Variants in CDK6 observed in about 807,000 individuals in gnomAD.
CDK6 encodes the protein cyclin dependent kinase 6, also known as cyclin-dependent kinase 6.
Under a neutral mutation model 37.1 loss-of-function variants are expected in CDK6, and 6 were observed. The observed-to-expected ratio is 0.16, with a 90% CI of 0.09 to 0.32. The LOEUF (loss-of-function observed/expected upper bound fraction) is 0.32. CDK6 is among the 10% of genes least tolerant of loss of function. The pLI is 1.00. For synonymous variants in CDK6, 160 were observed against 161.3 expected (o/e 0.99, Z 0.06); for missense variants, 224 against 418.9 (o/e 0.53, Z 4.06).
intron 4 of CDK6, among the ~76,000 whole-genome samples, chr7:92,708,495 A>G (rs1419952050): frequency 2.6e-5 from 4 of 152,182 alleles, no homozygotes; most frequent in African/African-American, 9.7e-5. Context: ...GAGGTATACA[A>G]TTTGCCAACT....
intron 2 of CDK6, among the ~76,000 whole-genome samples, chr7:92,820,057 C>T (rs1426818072): frequency 1.3e-5 from 2 of 151,848 alleles, no homozygotes; most frequent in Non-Finnish European, 2.9e-5. Context: ...TAAATGGTGG[C>T]GGGAAACCCA....
chr7:92,663,004 G>A (rs562651391), intron 5 of CDK6, among the ~76,000 whole-genome samples: 1 of 152,280 alleles, frequency 6.6e-6, no homozygotes, highest in East Asian at 1.9e-4. Context: ...TATGTGACAA[G>A]GATTCCAAGA....
intron 4 of CDK6, among the ~76,000 whole-genome samples, chr7:92,685,279 C>T (rs1341897108): frequency 6.6e-6 from 1 of 152,162 alleles, no homozygotes; most frequent in Non-Finnish European, 1.5e-5. Context: ...CTAGGTATAT[C>T]CGCTGTCAGG....
At chr7:92,754,312 T>C (rs1052685032) in intron 3 of CDK6, among the ~76,000 whole-genome samples, 3 of 152,226 alleles carry the variant, frequency 2.0e-5, no homozygotes, top group African/African-American at 7.2e-5. Context: ...CATTTTCCTG[T>C]ACTCATTAGT....
In CDK6 at chr7:92,743,335, C is replaced by CA. The variant is rs1273119030; in HGVS notation, c.370-17543dup. 2.6e-5 allele frequency among the ~76,000 whole-genome samples: 4 copies of CA among 151,326 alleles called. No individual in the cohort carries two copies. The East Asian group carries it at 7.8e-4, about 30-fold the overall frequency. On this transcript the variant is annotated intron_variant, in intron 3 of 7. Coordinates refer to ENST00000424848, the MANE Select transcript of CDK6 (RefSeq NM_001145306.2). ...AGGTTGCCATGAGCCAAGATCATGG[C>CA]ATTGCACTCCAGCCTGGGTGACAAA...
chr7:92,686,116 C>T (rs1797445674), intron 4 of CDK6, among the ~76,000 whole-genome samples: 1 of 152,170 alleles, frequency 6.6e-6, no homozygotes, highest in Admixed American at 6.5e-5. Flanking sequence ...ACATGTATTA[C>T]ATATTTTAAC....
At chr7:92,757,021 A>G (rs529499494) in intron 3 of CDK6, among the ~76,000 whole-genome samples, 2 of 152,362 alleles carry the variant, frequency 1.3e-5, no homozygotes, top group South Asian at 4.1e-4. Flanking sequence ...GGAATTGGAA[A>G]TGCTAATCTC....
At chr7:92,710,019 C>T (rs530715462) in intron 4 of CDK6, among the ~76,000 whole-genome samples, 3 of 152,254 alleles carry the variant, frequency 2.0e-5, no homozygotes, top group African/African-American at 4.8e-5. Flanking sequence ...TATATCAGTG[C>T]GCCTCTGAAA....
At chr7:92,675,663 G>T (rs1044191113) in intron 4 of CDK6, among the ~76,000 whole-genome samples, 2 of 152,144 alleles carry the variant, frequency 1.3e-5, no homozygotes, top group African/African-American at 2.4e-5. Context: ...AACAACAGAA[G>T]AATAATCAGT....
chr7:92,795,648 T>G (rs1182331664), intron 2 of CDK6, among the ~76,000 whole-genome samples: 1 of 152,106 alleles, frequency 6.6e-6, no homozygotes, highest in Non-Finnish European at 1.5e-5. Flanking sequence ...AGAAGAGAAC[T>G]AACTGTGCCA....
At chr7:92,784,485 G>A (rs919781542) in intron 2 of CDK6, among the ~76,000 whole-genome samples, 1 of 152,090 alleles carries the variant, frequency 6.6e-6, no homozygotes, top group Non-Finnish European at 1.5e-5. Flanking sequence ...ACCTCTTGAG[G>A]TCTCCACCTA....
intron 6 of CDK6, among the ~76,000 whole-genome samples, chr7:92,621,377 C>A (rs970077865): frequency 6.6e-6 from 1 of 152,188 alleles, no homozygotes; most frequent in Admixed American, 6.5e-5. Flanking sequence ...TCTTTGGAAG[C>A]AGGTCAAACA....
chr7:92,739,284 A>C (rs1490456068), intron 3 of CDK6, among the ~76,000 whole-genome samples: 2 of 152,172 alleles, frequency 1.3e-5, no homozygotes, highest in East Asian at 1.9e-4. Context: ...AGGCATCCCC[A>C]GTCATAAGGC....
rs35953301 is a variant in CDK6 at position 92,688,581 on chromosome 7, TCACACACA to T, written c.538-17054_538-17047del. Reference sequence around the variant, plus strand: ...TTGAGGTGTATAGACTACATATACATCACACACACACACACACACACACACACACACAC... The same window carrying T: ...TTGAGGTGTATAGACTACATATACATCACACACACACACACACACACACAC... On this transcript the variant is annotated intron_variant, in intron 4 of 7. Coordinates refer to ENST00000424848, the MANE Select transcript of CDK6 (RefSeq NM_001145306.2). Among the ~76,000 whole-genome samples, 1,157 of 127,564 alleles carry T rather than the reference TCACACACA, an allele frequency of 9.1e-3. 14 individuals carry two copies. The highest frequency in any genetic ancestry group is 0.024 in the Middle Eastern group (6 of 246). The allele number at this position is 127,564 out of a possible 152,430, so 83.7% of individuals were successfully genotyped here. A position where few individuals can be genotyped will look rare whatever the true frequency, so the allele number is the denominator to read the frequency against.
At chr7:92,672,785 C>T (rs576700990) in intron 4 of CDK6, among the ~76,000 whole-genome samples, 1 of 152,270 alleles carries the variant, frequency 6.6e-6, no homozygotes, top group South Asian at 2.1e-4. Context: ...GGATGTCTAT[C>T]TAAATTTTCT....
At position 92,609,865 on chromosome 7, in the gene CDK6, G is replaced by C; in HGVS notation, c.*5275C>G. Reference sequence around the variant, plus strand: ...CTTTCTTTACTTAAATGATCAAAATGGGTGTATTATCCATCCTTAAGAACA... The same window carrying C: ...CTTTCTTTACTTAAATGATCAAAATCGGTGTATTATCCATCCTTAAGAACA... On this transcript the variant is annotated 3_prime_UTR_variant, in exon 8 of 8. Coordinates refer to ENST00000424848, the MANE Select transcript of CDK6 (RefSeq NM_001145306.2). The C allele has an allele frequency of 4.3e-6, 1 of 230,538 alleles. No individual in the cohort carries two copies. Among genetic ancestry groups the C allele is most frequent in the Non-Finnish European group, 8.6e-6 (1 of 116,428 alleles). 14.3% of individuals were successfully genotyped at this position (230,538 alleles called of 1,614,324 possible).
intron 2 of CDK6, 150 bp from the exon 3 acceptor site, chr7:92,774,981 A>C: frequency 1.5e-6 from 1 of 677,022 alleles, no homozygotes; most frequent in Non-Finnish European, 2.4e-6. Context: ...ATATCAAATG[A>C]GATCTGATAC....
intron 2 of CDK6, among the ~76,000 whole-genome samples, chr7:92,824,364 TAAAA>T (rs1801257114): frequency 6.6e-6 from 1 of 151,874 alleles, no homozygotes; most frequent in Non-Finnish European, 1.5e-5. Context: ...AATTAAAAAA[TAAAA>T]GAAAGAAAGA....
At chr7:92,793,890 G>A (rs972417492) in intron 2 of CDK6, among the ~76,000 whole-genome samples, 4 of 152,064 alleles carry the variant, frequency 2.6e-5, no homozygotes, top group African/African-American at 9.7e-5. Context: ...GGCTGCTAAT[G>A]GGTATGGGGT....
Sources: allele counts gnomAD v4.1 joint callset (sites outside exome capture counted in the v4.1 genomes callset), GRCh38; gene constraint gnomAD v4.1.1; transcripts MANE v1.5; gene names NCBI Gene and HGNC (gene_info 2026-07-23, HGNC 2026-07-21).